Variants in ADAM33 observed in about 807,000 individuals in gnomAD.
ADAM33 encodes the protein disintegrin and metalloproteinase domain-containing protein 33.
In ADAM33, 103 loss-of-function variants were observed where a neutral mutation model predicts 106.2. That is an observed-to-expected ratio of 0.97 (90% CI 0.83 to 1.14). The LOEUF is 1.14. ADAM33 is among the 50% of genes most tolerant of loss of function. The pLI is 0.00. For synonymous variants in ADAM33, 483 were observed against 453.0 expected, an observed-to-expected ratio of 1.07 and a Z score of -0.84; for missense variants, 1,120 against 1,096.6, an observed-to-expected ratio of 1.02 and a Z score of -0.30.
chr20:3,681,781 A>ACGCC, intron 1 of ADAM33, 127 bp downstream of exon 1: 2 of 1,356,538 alleles, frequency 1.5e-6, no homozygotes, highest in Non-Finnish European at 1.9e-6. Flanking sequence ...GCCCTGACCT[A>ACGCC]CTGGCCGTAT....
rs764270138 is a variant in ADAM33, at chr20:3,672,279, G to A, written c.1452C>T (p.Leu484=). The change falls in exon 14 of 22, where the codon CTC becomes CTT. Residue 484 remains leucine (L), a synonymous_variant. Transcript: ENST00000356518. ...LCRQAMGDCD[L]PEFCTGTSSH... The stretch of plus-strand genomic sequence containing the variant: ...AGGAGGTGCCCGTGCAAAACTCAGG[G>A]AGGTCACAGTCACCCATGGCCTGGC... 4 of 1,613,358 alleles carry A rather than the reference G, an allele frequency of 2.5e-6. No homozygotes were observed. Among genetic ancestry groups the A allele is most frequent in the Admixed American group, 3.3e-5 (2 of 60,032 alleles).
In ADAM33 at chr20:3,673,806, A is replaced by AG. The variant is rs554653088; in HGVS notation, c.843dup (p.Phe282LeufsTer65). The AG allele has an allele frequency of 2.6e-5, 40 of 1,544,448 alleles. No individual in the cohort carries two copies. In the South Asian group the frequency reaches 4.2e-4, roughly 16 times the overall value. On this transcript the variant is annotated frameshift_variant, in exon 9 of 22. Coordinates refer to ENST00000356518, the MANE Select transcript of ADAM33 (RefSeq NM_025220.5). LOFTEE classifies it high-confidence loss of function. ...CACAGCCCCCGGCGCCACTGCAGGA[A>AG]GGCCCAGAGCGTGGCGTTGGCGTCC...
chr20:3,677,550 C>A (rs776110921), intron 2 of ADAM33, among the ~76,000 whole-genome samples: 2 of 152,198 alleles, frequency 1.3e-5, no homozygotes, highest in Non-Finnish European at 2.9e-5. Flanking sequence ...TCAGGGCCTC[C>A]TCAGAGCCTC....
Position 3,672,247 on chromosome 20 carries a change from C to G in ADAM33, c.1484G>C (p.Cys495Ser). The G allele has an allele frequency of 6.2e-7, 1 of 1,613,382 alleles. No individual in the cohort carries two copies. The change falls in exon 14 of 22, where the codon TGT (cysteine) becomes TCT (serine). Residue 495 changes from cysteine to serine, a missense_variant. Cys to Ser is a moderately radical substitution (Grantham distance 112). Coordinates refer to ENST00000356518, the MANE Select transcript of ADAM33 (RefSeq NM_025220.5). ...PEFCTGTSSHCPPDVYLLDGS... is the reference protein window; with the variant it reads ...PEFCTGTSSHSPPDVYLLDGS... ...GTCCAGTAGGTAAACGTCTGGGGGA[C>G]AGTGGGAGGAGGTGCCCGTGCAAAA...
At chr20:3,673,320 G>A in intron 11 of ADAM33, 34 bp downstream of exon 11, 2 of 1,535,328 alleles carry the variant, frequency 1.3e-6, no homozygotes, top group Non-Finnish European at 1.7e-6. Flanking sequence ...AGGACTAGCC[G>A]CCCCGCCGCA....
In ADAM33 at chr20:3,672,826, G is replaced by T. The variant is rs374106739; in HGVS notation, c.1206C>A (p.Gly402=). The T allele has an allele frequency of 8.9e-6, 14 of 1,574,978 alleles. No individual in the cohort carries two copies. The African/African-American group carries it at 1.4e-4, about 15-fold the overall frequency. ...GGTCCGGGGCATTGGAGAGGCAAGC[G>T]CCGCCCCCCTTGCGGAAGAAGGCGC... The part of the protein sequence containing the change: ...QLRAFFRKGG[G]ACLSNAPDPG... The change falls in exon 12 of 22, where the codon GGC becomes GGA. Residue 402 remains glycine (G), a synonymous_variant. Transcript: ENST00000356518.
In ADAM33 at chr20:3,672,343, G is replaced by C; in HGVS notation, c.1402-14C>G. The C allele has an allele frequency of 4.3e-6, 7 of 1,610,514 alleles. No individual in the cohort carries two copies. Among genetic ancestry groups the C allele is most frequent in the Non-Finnish European group, 5.9e-6 (7 of 1,178,378 alleles). On this transcript the variant is annotated splice_polypyrimidine_tract_variant and intron_variant, in intron 13 of 21. Coordinates refer to ENST00000356518, the MANE Select transcript of ADAM33 (RefSeq NM_025220.5). Reference sequence around the variant, plus strand: ...AGCCGGCTTCAGCTGCGCAGGTGACGGGTGGTGGGGAAGGCAGAGAGAGGC... The same window carrying C: ...AGCCGGCTTCAGCTGCGCAGGTGACCGGTGGTGGGGAAGGCAGAGAGAGGC...
rs150938298 is a variant in ADAM33, at chr20:3,678,793, T to C, written c.177+699A>G. Among the ~76,000 whole-genome samples, 213 of 152,362 alleles carry C rather than the reference T, an allele frequency of 1.4e-3. 1 individual carries two copies. The highest frequency in any genetic ancestry group is 4.9e-3 in the African/African-American group (205 of 41,592). On this transcript the variant is annotated intron_variant, in intron 2 of 21. Transcript: ENST00000356518. ...TTCCCCAAGCTCTCTGGGCTTCCGTTTGCCCCTCTGTAAAATGAGCATATC... is the reference window on the plus strand; with the variant it reads ...TTCCCCAAGCTCTCTGGGCTTCCGTCTGCCCCTCTGTAAAATGAGCATATC...
chr20:3,671,087 A>C lies in ADAM33; in HGVS notation c.2159T>G (p.Leu720Arg). The C allele has an allele frequency of 1.3e-6, 2 of 1,587,880 alleles. No homozygotes were observed. The highest frequency in any genetic ancestry group is 1.7e-6 in the Non-Finnish European group (2 of 1,167,146). Residue 720 changes from leucine to arginine, a missense_variant, in exon 19 of 22, where the codon CTG becomes CGG. Leu to Arg is a moderately radical substitution (Grantham distance 102, BLOSUM62 -2). Transcript: ENST00000356518. Reference sequence around the variant, plus strand: ...TGGGAGTCGGTAGCAACACCAGGCCAGGCCGGCCCCTGGGAGCAGAGGCAG... The same window carrying C: ...TGGGAGTCGGTAGCAACACCAGGCCCGGCCGGCCCCTGGGAGCAGAGGCAG... The part of the protein sequence containing the change: ...VLLPLLPGAG[L>R]AWCCYRLPGA...
chr20:3,680,820 C>T (rs1208686720), intron 1 of ADAM33, among the ~76,000 whole-genome samples: 5 of 152,148 alleles, frequency 3.3e-5, no homozygotes, highest in Admixed American at 6.5e-5. Context: ...CTTGCGCGCA[C>T]GTGCTGGCCA....
chr20:3,674,024 C>A, intron 8 of ADAM33, 40 bp downstream of exon 8: 1 of 1,613,132 alleles, frequency 6.2e-7, no homozygotes, highest in South Asian at 1.1e-5. Context: ...TGTCCTGCCG[C>A]CGCCACCCCC....
chr20:3,673,445 C>A lies in ADAM33; in HGVS notation c.1042G>T (p.Gly348Cys). 2 of 1,578,656 alleles carry A rather than the reference C, an allele frequency of 1.3e-6. No homozygotes were observed. Among genetic ancestry groups the A allele is most frequent in the South Asian group, 1.1e-5 (1 of 87,112 alleles). The change falls in exon 11 of 22, where the codon GGC (glycine) becomes TGC (cysteine). Residue 348 changes from glycine (G) to cysteine (C), a missense_variant. Coordinates refer to ENST00000356518, the MANE Select transcript of ADAM33 (RefSeq NM_025220.5). ...TCGTGGCTGAGGCCGAGGCTGTGGC[C>A]GATCTCATGGGCCATGGTGGCTGCG... ...GAAATMAHEI[G>C]HSLGLSHDPD...
chr20:3,681,516 G>A (rs1173091277), intron 1 of ADAM33, among the ~76,000 whole-genome samples: 1 of 152,164 alleles, frequency 6.6e-6, no homozygotes, highest in Non-Finnish European at 1.5e-5. Context: ...TGAGTCCTAA[G>A]GGGTGGAGGA....
rs2485699 is a variant in ADAM33, at chr20:3,674,341, A to C, written c.601-57T>G. 6.4e-3 allele frequency: 10,299 copies of C among 1,611,448 alleles called. 112 individuals carry two copies. Among genetic ancestry groups the C allele is most frequent in the African/African-American group, 0.042 (3,141 of 75,016 alleles). On this transcript the variant is annotated intron_variant, in intron 6 of 21. Coordinates refer to ENST00000356518, the MANE Select transcript of ADAM33 (RefSeq NM_025220.5). ...AAGCTGCTGGGCTTGAGCCCTGACC[A>C]CCAATCCCAGCTCCCAGAAGGAAGT...
chr20:3,673,086 G>T, intron 11 of ADAM33, 188 bp from the exon 12 acceptor site: 1 of 1,450,448 alleles, frequency 6.9e-7, no homozygotes, highest in Non-Finnish European at 9.0e-7. Context: ...AGCAGCCCGG[G>T]ACCCAAGGTG....
chr20:3,681,887 G>T, intron 1 of ADAM33, 21 bp downstream of exon 1: 1 of 1,594,052 alleles, frequency 6.3e-7, no homozygotes, highest in Non-Finnish European at 8.5e-7. Flanking sequence ...CCCTCAGGGC[G>T]CACCCCGCCC....
chr20:3,679,432 G>A (rs894177309), intron 2 of ADAM33, 60 bp downstream of exon 2: 2 of 1,520,352 alleles, frequency 1.3e-6, no homozygotes, highest in Non-Finnish European at 1.8e-6. Context: ...AATGTAGGGA[G>A]AGACAAAAGG....
chr20:3,673,444 C>G lies in ADAM33; in HGVS notation c.1043G>C (p.Gly348Ala), dbSNP rs2087698619. Residue 348 changes from glycine (G) to alanine (A), a missense_variant, in exon 11 of 22, where the codon GGC becomes GCC. Coordinates refer to ENST00000356518, the MANE Select transcript of ADAM33 (RefSeq NM_025220.5). ...GTCGTGGCTGAGGCCGAGGCTGTGGCCGATCTCATGGGCCATGGTGGCTGC... is the reference window on the plus strand; with the variant it reads ...GTCGTGGCTGAGGCCGAGGCTGTGGGCGATCTCATGGGCCATGGTGGCTGC... Reference protein sequence around the residue: ...GAAATMAHEIGHSLGLSHDPD... With the variant: ...GAAATMAHEIAHSLGLSHDPD... 6.3e-7 allele frequency: 1 copy of G among 1,578,214 alleles called. No individual in the cohort carries two copies. The highest frequency in any genetic ancestry group is 1.7e-5 in the Admixed American group (1 of 57,258).
chr20:3,672,991 C>T, intron 11 of ADAM33, 93 bp from the exon 12 acceptor site: 1 of 1,440,724 alleles, frequency 6.9e-7, no homozygotes. Context: ...CTACAGCCGC[C>T]AGACGCGCAG....
Sources: allele counts gnomAD v4.1 joint callset (sites outside exome capture counted in the v4.1 genomes callset), GRCh38; gene constraint gnomAD v4.1.1; transcripts MANE v1.5; gene names NCBI Gene and HGNC (gene_info 2026-07-23, HGNC 2026-07-21).